Variants in RBFOX2 observed in about 807,000 individuals in gnomAD.
RBFOX2 encodes the protein RNA binding protein fox-1 homolog 2.
RBFOX2 carries 10 observed loss-of-function variants against 49.1 expected under a neutral mutation model. The observed-to-expected ratio is 0.20, with a 90% CI of 0.13 to 0.35. The LOEUF (loss-of-function observed/expected upper bound fraction) is 0.35. Among genes scored for constraint, RBFOX2 ranks in the 10% least tolerant of loss-of-function variants. The probability of loss-of-function intolerance (pLI) is 1.00; values close to 1 mark genes in which losing one functional copy is unlikely to be tolerated. For synonymous variants in RBFOX2, 183 were observed against 187.4 expected (o/e 0.98, Z 0.19); for missense variants, 323 against 486.9 (o/e 0.66, Z 3.17).
At chr22:35,741,264 GA>G (rs1402478685) in exon 12 of RBFOX2, 1 of 152,226 alleles carries the variant, frequency 6.6e-6, no homozygotes, top group Admixed American at 6.5e-5. Context: ...CAAGAGTACA[GA>G]AAGTCCAGGT....
intron 1 of RBFOX2, among the ~76,000 whole-genome samples, chr22:36,018,264 T>C (rs2059117688): frequency 6.6e-6 from 1 of 152,174 alleles, no homozygotes; most frequent in Non-Finnish European, 1.5e-5. Context: ...ACATGATGTC[T>C]TGGAAGACAG....
chr22:35,885,599 C>A (rs1166031959), intron 1 of RBFOX2, among the ~76,000 whole-genome samples: 1 of 151,982 alleles, frequency 6.6e-6, no homozygotes, highest in Non-Finnish European at 1.5e-5. Context: ...AAGAATCTTG[C>A]CAGTGATTAA....
upstream of RBFOX2, among the ~76,000 whole-genome samples, chr22:35,844,942 TA>T (rs534179788): frequency 4.6e-5 from 7 of 152,036 alleles, no homozygotes; most frequent in Admixed American, 3.3e-4. Flanking sequence ...CCCACTCATT[TA>T]AAAAAAATTT....
At chr22:35,809,101 G>A (rs2148114524) in intron 2 of RBFOX2, among the ~76,000 whole-genome samples, 1 of 150,392 alleles carries the variant, frequency 6.6e-6, no homozygotes, top group Admixed American at 6.6e-5. Flanking sequence ...GGATAGATAA[G>A]TTAGGCAACA....
chr22:35,883,039 A>C lies in RBFOX2; in HGVS notation c.-34+55808T>G, dbSNP rs565956292. 5.9e-5 allele frequency among the ~76,000 whole-genome samples: 9 copies of C among 152,326 alleles called. No homozygotes were observed. In the South Asian group the frequency reaches 1.9e-3, roughly 32 times the overall value. ...ACTGACTCTGAAATCTAGCAGGGCA[A>C]ACACTGAAAGTTCCTTGATTAGGTC... On this transcript the variant is annotated intron_variant, in intron 1 of 13. Coordinates refer to the RBFOX2 transcript ENST00000359369.
chr22:35,762,720 G>A (rs1480171716), intron 6 of RBFOX2, among the ~76,000 whole-genome samples: 1 of 151,958 alleles, frequency 6.6e-6, no homozygotes, highest in Non-Finnish European at 1.5e-5. Context: ...GGCCAGGCTG[G>A]TCTTGAACTC....
At chr22:35,991,751 T>C (rs1288433547) in intron 1 of RBFOX2, among the ~76,000 whole-genome samples, 1 of 152,180 alleles carries the variant, frequency 6.6e-6, no homozygotes, top group Admixed American at 6.5e-5. Context: ...TTACTTATGA[T>C]GTGGACCGAC....
At chr22:35,862,160 C>A (rs936205959) in intron 1 of RBFOX2, among the ~76,000 whole-genome samples, 1 of 152,030 alleles carries the variant, frequency 6.6e-6, no homozygotes, top group South Asian at 2.1e-4. Context: ...TACAAAGGGG[C>A]ATGAGAAAAC....
chr22:35,969,175 A>AGAG (rs376373065), intron 1 of RBFOX2, among the ~76,000 whole-genome samples: 47 of 152,278 alleles, frequency 3.1e-4, no homozygotes, highest in African/African-American at 1.1e-3. Context: ...GCCTGCCTCT[A>AGAG]GATCAGAACT....
exon 1 of RBFOX2, chr22:36,028,432 G>C: frequency 8.3e-7 from 1 of 1,208,176 alleles, no homozygotes; most frequent in Non-Finnish European, 1.0e-6. Context: ...CCATCCGCCC[G>C]CGCCCCCCTC....
chr22:35,873,150 CT>C (rs1354629198), intron 1 of RBFOX2, among the ~76,000 whole-genome samples: 3 of 151,936 alleles, frequency 2.0e-5, no homozygotes, highest in South Asian at 2.1e-4. Context: ...TTTCTTTTTT[CT>C]TTTTTTTGAG....
At chr22:35,802,090 T>C (rs988397907) in intron 2 of RBFOX2, among the ~76,000 whole-genome samples, 2 of 152,174 alleles carry the variant, frequency 1.3e-5, no homozygotes, top group Admixed American at 1.3e-4. Flanking sequence ...GAACAGTTTC[T>C]GGTATAAATG....
At chr22:35,966,317 G>A (rs1231138613), upstream of RBFOX2, among the ~76,000 whole-genome samples, 2 of 152,134 alleles carry the variant, frequency 1.3e-5, no homozygotes, top group Non-Finnish European at 2.9e-5. Context: ...ATGTCTTTCA[G>A]TGCACACATG....
intron 1 of RBFOX2, among the ~76,000 whole-genome samples, chr22:35,952,018 T>C (rs1002755334): frequency 3.3e-5 from 5 of 152,238 alleles, no homozygotes; most frequent in African/African-American, 1.2e-4. Context: ...CTCTTATCTG[T>C]TAATGCCTGC....
chr22:35,853,003 G>GA (rs2042113253), intron 1 of RBFOX2, among the ~76,000 whole-genome samples: 1 of 152,016 alleles, frequency 6.6e-6, no homozygotes, highest in South Asian at 2.1e-4. Flanking sequence ...ATTATTAAAT[G>GA]AAAAAAATTG....
At chr22:35,800,879 TC>T (rs1949657661) in intron 2 of RBFOX2, among the ~76,000 whole-genome samples, 1 of 152,214 alleles carries the variant, frequency 6.6e-6, no homozygotes, top group Non-Finnish European at 1.5e-5. Context: ...AGCTTACGGT[TC>T]TACTTGAGCC....
intron 1 of RBFOX2, among the ~76,000 whole-genome samples, chr22:35,991,631 G>A (rs1209002617): frequency 6.6e-6 from 1 of 152,120 alleles, no homozygotes; most frequent in Non-Finnish European, 1.5e-5. Context: ...TGAAAACAAT[G>A]GCAGCTCTGG....
chr22:35,745,140 C>T (rs1005446923), intron 11 of RBFOX2, among the ~76,000 whole-genome samples: 2 of 152,178 alleles, frequency 1.3e-5, no homozygotes, highest in African/African-American at 4.8e-5. Context: ...TTACATTTTA[C>T]ATTTCATTCT....
chr22:35,969,998 T>A (rs1258802343), intron 1 of RBFOX2, among the ~76,000 whole-genome samples: 1 of 152,224 alleles, frequency 6.6e-6, no homozygotes, highest in African/African-American at 2.4e-5. Context: ...GTCTGGTACC[T>A]GGCAAATAAG....
Sources: gnomAD v4.1 joint callset for allele counts (sites outside exome capture counted in the v4.1 genomes callset) on GRCh38, gnomAD v4.1.1 for gene constraint, MANE v1.5 for transcripts, NCBI Gene and HGNC (gene_info 2026-07-23, HGNC 2026-07-21) for gene names.